HNF1A: variants seen among roughly 807,000 people sequenced by gnomAD.
HNF1A encodes the protein HNF1 homeobox A, also known as hepatocyte nuclear factor 1-alpha.
In HNF1A, 21 loss-of-function variants were observed where a neutral mutation model predicts 62.2. The observed-to-expected ratio is 0.34, with a 90% CI of 0.24 to 0.49. The LOEUF (loss-of-function observed/expected upper bound fraction) is 0.49, where lower values mean the gene tolerates loss of function less well. Among genes scored for constraint, HNF1A ranks in the 20% least tolerant of loss-of-function variants. The pLI is 0.99. For missense variants in HNF1A, 687 were observed against 832.3 expected, an observed-to-expected ratio of 0.83 and a Z score of 2.15; for synonymous variants, 374 against 366.8, an observed-to-expected ratio of 1.02 and a Z score of -0.22.
At chr12:120,986,845 T>G (rs1876535545) in intron 1 of HNF1A, among the ~76,000 whole-genome samples, 1 of 152,160 alleles carries the variant, frequency 6.6e-6, no homozygotes, top group African/African-American at 2.4e-5. Flanking sequence ...CACCTTGGCC[T>G]CCCAAAGTGC....
rs149504104 is a variant in HNF1A at position 120,989,381 on chromosome 12, C to T, written c.526+349C>T. 2.5e-3 allele frequency among the ~76,000 whole-genome samples: 383 copies of T among 152,292 alleles called. 1 individual carries two copies. Among genetic ancestry groups the T allele is most frequent in the African/African-American group, 8.7e-3 (362 of 41,562 alleles). On this transcript the variant is annotated intron_variant, in intron 2 of 9. Coordinates refer to ENST00000257555, the MANE Select transcript of HNF1A (RefSeq NM_000545.8). ...CAAGCAATTCTCCTGCCTCAGCCTC[C>T]GGAATAGCTGGGATCACAGGTGCCC...
chr12:120,989,125 T>C, intron 2 of HNF1A, 93 bp downstream of exon 2: 1 of 1,181,306 alleles, frequency 8.5e-7, no homozygotes, highest in Non-Finnish European at 1.2e-6. Flanking sequence ...CCATCCCCAT[T>C]ACACAGACAG....
intron 2 of HNF1A, among the ~76,000 whole-genome samples, chr12:120,990,642 G>T: frequency 1.0e-5 from 1 of 99,486 alleles, no homozygotes; most frequent in South Asian, 2.9e-4. Flanking sequence ...AGATAGGAAA[G>T]GGAGGAAAGG....
intron 3 of HNF1A, among the ~76,000 whole-genome samples, chr12:120,993,928 C>T (rs934920938): frequency 6.6e-6 from 1 of 152,194 alleles, no homozygotes; most frequent in Non-Finnish European, 1.5e-5. Flanking sequence ...GGATGCTCAC[C>T]CAATTCGATT....
At chr12:120,987,278 T>C (rs1372542526) in intron 1 of HNF1A, among the ~76,000 whole-genome samples, 1 of 151,744 alleles carries the variant, frequency 6.6e-6, no homozygotes, top group Non-Finnish European at 1.5e-5. Flanking sequence ...ATCGAGACCA[T>C]CCTGGCTAAC....
At chr12:120,989,083 C>G (rs1477013616) in intron 2 of HNF1A, 51 bp downstream of exon 2, 3 of 1,565,570 alleles carry the variant, frequency 1.9e-6, no homozygotes, top group East Asian at 4.5e-5. Flanking sequence ...CAGGACTCTC[C>G]CCTAACTCAT....
At chr12:120,994,075 A>C in intron 3 of HNF1A, 89 bp from the exon 4 acceptor site, 12 of 1,543,282 alleles carry the variant, frequency 7.8e-6, no homozygotes, top group Non-Finnish European at 1.1e-5. Flanking sequence ...CCTCCGGCAG[A>C]GCTCAGCTTC....
At chr12:120,988,512 G>A (rs1876645728) in intron 1 of HNF1A, among the ~76,000 whole-genome samples, 1 of 152,082 alleles carries the variant, frequency 6.6e-6, no homozygotes, top group South Asian at 2.1e-4. Flanking sequence ...ATCTTCATCT[G>A]TGTTGTGTGT....
intron 7 of HNF1A, chr12:120,998,201 T>A (rs991223827): frequency 2.2e-5 from 5 of 229,308 alleles, no homozygotes; most frequent in African/African-American, 1.1e-4. Context: ...CGCTTGAACC[T>A]GGGAGGCGGA....
In HNF1A at chr12:120,978,686, C is replaced by A; in HGVS notation, c.-83C>A. 2 of 1,334,394 alleles carry A rather than the reference C, an allele frequency of 1.5e-6. No individual in the cohort carries two copies. Among genetic ancestry groups the A allele is most frequent in the South Asian group, 1.2e-5 (1 of 84,714 alleles). 82.7% of individuals were successfully genotyped at this position (1,334,394 alleles called of 1,614,324 possible). A position where few individuals can be genotyped will look rare whatever the true frequency, so the allele number is the denominator to read the frequency against. Reference sequence around the variant, plus strand: ...AAGGAGTTTGGTTTGTGTCTGCCGGCCGGCAGGCAAACGCAACCCACGCGG... The same window carrying A: ...AAGGAGTTTGGTTTGTGTCTGCCGGACGGCAGGCAAACGCAACCCACGCGG... On this transcript the variant is annotated 5_prime_UTR_variant, in exon 1 of 10. Coordinates refer to ENST00000257555, the MANE Select transcript of HNF1A (RefSeq NM_000545.8).
rs371945966 is a variant in HNF1A, at chr12:120,978,650, G to C, written c.-119G>C. 35 of 947,560 alleles carry C rather than the reference G, an allele frequency of 3.7e-5. No homozygotes were observed. Among genetic ancestry groups the C allele is most frequent in the Admixed American group, 3.5e-5 (2 of 56,742 alleles). 58.7% of individuals were successfully genotyped at this position (947,560 alleles called of 1,614,324 possible). On this transcript the variant is annotated 5_prime_UTR_variant, in exon 1 of 10. Transcript: ENST00000257555. ...GCTTGGCTAGTGGGGTTTTGGGGGG[G>C]CAGTGGGTGCAAGGAGTTTGGTTTG...
At chr12:120,995,697 C>T (rs1877061761) in intron 4 of HNF1A, among the ~76,000 whole-genome samples, 1 of 151,624 alleles carries the variant, frequency 6.6e-6, no homozygotes, top group Non-Finnish European at 1.5e-5. Context: ...CTCCACGCCA[C>T]ACTATTCCTC....
chr12:120,996,278 G>A lies in HNF1A; in HGVS notation c.972G>A (p.Gln324=), dbSNP rs1326175421. Residue 324 remains glutamine, a synonymous_variant, in exon 5 of 10, where the codon CAG becomes CAA. Coordinates refer to ENST00000257555, the MANE Select transcript of HNF1A (RefSeq NM_000545.8). The surrounding 1 kb of genome is among the most constrained non-coding windows in gnomAD (Gnocchi z 4.5). ...CCTCTCCAGGTGTGCGCTATGGACA[G>A]CCTGCGACCAGTGAGACTGCAGAAG... ...PSKVHGVRYG[Q]PATSETAEVP... 1 of 1,614,160 alleles carries A rather than the reference G, an allele frequency of 6.2e-7. No homozygotes were observed. The highest frequency in any genetic ancestry group is 1.1e-5 in the South Asian group (1 of 91,080).
At position 120,989,125 on chromosome 12, in the gene HNF1A, TAC is replaced by T. The variant is rs878894843; in HGVS notation, c.526+97_526+98del. ...GGGCTGGAAGCTTCACCATCCCCAT[TAC>T]ACAGACAGGTAGATGGAAAGGAAGT... On this transcript the variant is annotated intron_variant, in intron 2 of 9. Transcript: ENST00000257555. 2.0e-4 allele frequency: 233 copies of T among 1,181,306 alleles called. 2 individuals are homozygous for T. The South Asian group carries it at 2.9e-3, about 15-fold the overall frequency. 73.2% of individuals were successfully genotyped at this position (1,181,306 alleles called of 1,614,324 possible).
In HNF1A at chr12:120,979,059, G is replaced by A. The variant is rs775088578; in HGVS notation, c.291G>A (p.Ala97=). The A allele has an allele frequency of 1.1e-5, 18 of 1,611,870 alleles. No homozygotes were observed. The highest frequency in any genetic ancestry group is 6.6e-5 in the South Asian group (6 of 90,626). The change falls in exon 1 of 10, where the codon GCG becomes GCA. Residue 97 remains alanine (A), a synonymous_variant. Transcript: ENST00000257555. ...KELENLSPEE[A]AHQKAVVETL... Reference sequence around the variant, plus strand: ...TGGAGAACCTCAGCCCTGAGGAGGCGGCCCACCAGAAAGCCGTGGTGGAGA... The same window carrying A: ...TGGAGAACCTCAGCCCTGAGGAGGCAGCCCACCAGAAAGCCGTGGTGGAGA...
chr12:121,001,076 A>G lies in HNF1A; in HGVS notation c.1780A>G (p.Ser594Gly), dbSNP rs751112023. The change falls in exon 10 of 10, where the codon AGC becomes GGC. Residue 594 changes from serine (S) to glycine (G), a missense_variant. This residue lies in a region of HNF1A where 408 missense variants were observed against 455.3 expected (regional missense o/e 0.90). Transcript: ENST00000257555. ...LSASPTVSSS[S>G]LVLYQSSDSS... ...GTTTGCCTCTGCAGTGTCCTCCAGC[A>G]GCCTGGTGCTGTACCAGAGCTCAGA... 1.1e-5 allele frequency: 18 copies of G among 1,613,444 alleles called. No homozygotes were observed. In the Admixed American group the frequency reaches 3.0e-4, roughly 27 times the overall value.
At position 121,001,753 on chromosome 12, in the gene HNF1A, T is replaced by C. The variant is rs988494505; in HGVS notation, c.*561T>C. 2 of 534,252 alleles carry C rather than the reference T, an allele frequency of 3.7e-6. No individual in the cohort carries two copies. The highest frequency in any genetic ancestry group is 7.3e-6 in the Non-Finnish European group (2 of 275,556). 33.1% of individuals were successfully genotyped at this position (534,252 alleles called of 1,614,324 possible). ...ACCCCATCACCTACTCACACAGGCA[T>C]TTCCTGGGTGGCTACTCTGTGCCAG... On this transcript the variant is annotated 3_prime_UTR_variant, in exon 10 of 10. Transcript: ENST00000257555.
rs1565883468 is a variant in HNF1A at position 120,988,820 on chromosome 12, T to G, written c.327-13T>G. 1 of 1,614,010 alleles carries G rather than the reference T, an allele frequency of 6.2e-7. No homozygotes were observed. Reference sequence around the variant, plus strand: ...GCCCTTGCTGAGCAGATCCCGTCCTTGCCCTCTCCCAGGGAGGACCCGTGG... The same window carrying G: ...GCCCTTGCTGAGCAGATCCCGTCCTGGCCCTCTCCCAGGGAGGACCCGTGG... On this transcript the variant is annotated splice_polypyrimidine_tract_variant and intron_variant, in intron 1 of 9. Coordinates refer to ENST00000257555, the MANE Select transcript of HNF1A (RefSeq NM_000545.8).
Position 120,994,384 on chromosome 12 carries a change from C to A in HNF1A, c.934C>A (p.Leu312Ile), listed in dbSNP as rs1384329757. The A allele has an allele frequency of 6.3e-7, 1 of 1,592,282 alleles. No homozygotes were observed. The highest frequency in any genetic ancestry group is 1.1e-5 in the South Asian group (1 of 88,024). ...CTCCCCTGGCCTGCCTCCACCTGCCCTCTCCCCCAGTAAGGTCCACGGTAA... is the reference window on the plus strand; with the variant it reads ...CTCCCCTGGCCTGCCTCCACCTGCCATCTCCCCCAGTAAGGTCCACGGTAA... ...HSSPGLPPPA[L>I]SPSKVHGVRY... The change falls in exon 4 of 10, where the codon CTC (leucine) becomes ATC (isoleucine). Residue 312 changes from leucine (L) to isoleucine (I), a missense_variant. Leu to Ile is a conservative substitution (Grantham distance 5, BLOSUM62 2). This residue lies in a region of HNF1A where 408 missense variants were observed against 455.3 expected (regional missense o/e 0.90). Transcript: ENST00000257555.
Sources: allele counts gnomAD v4.1 joint callset (sites outside exome capture counted in the v4.1 genomes callset), GRCh38; gene constraint gnomAD v4.1.1; regional missense constraint gnomAD v4.1.1; non-coding constraint Gnocchi (gnomAD v3.1); transcripts MANE v1.5; gene names NCBI Gene and HGNC (gene_info 2026-07-23, HGNC 2026-07-21).